MEOX2: variants seen among roughly 807,000 people sequenced by gnomAD.
The protein encoded by MEOX2 is mesenchyme homeobox 2, also known as homeobox protein MOX-2.
Under a neutral mutation model 27.0 loss-of-function variants are expected in MEOX2, and 11 were observed. The observed-to-expected ratio is 0.41, with a 90% CI of 0.26 to 0.68. The LOEUF is 0.68. MEOX2 is among the 30% of genes least tolerant of loss of function. The pLI is 0.33. For synonymous variants in MEOX2, 189 were observed against 155.4 expected, an observed-to-expected ratio of 1.22 and a Z score of -1.61; for missense variants, 436 against 385.4, an observed-to-expected ratio of 1.13 and a Z score of -1.10.
chr7:15,669,052 TA>T (rs1189570805), intron 1 of MEOX2, among the ~76,000 whole-genome samples: 2 of 152,196 alleles, frequency 1.3e-5, no homozygotes, highest in African/African-American at 4.8e-5. Flanking sequence ...TTTATTAATC[TA>T]AAGTAAAAAA....
chr7:15,674,394 T>C (rs559270778), intron 1 of MEOX2, among the ~76,000 whole-genome samples: 13 of 152,124 alleles, frequency 8.5e-5, no homozygotes, highest in Admixed American at 5.2e-4. Flanking sequence ...GGGAAAAATA[T>C]AGAAGAATAT....
chr7:15,633,332 C>G (rs17168935), intron 1 of MEOX2, among the ~76,000 whole-genome samples: 7,395 of 152,000 alleles, frequency 0.049, 232 homozygotes, highest in African/African-American at 0.099. Flanking sequence ...CCTGGAATTA[C>G]ATGGTATTAC....
intron 1 of MEOX2, among the ~76,000 whole-genome samples, chr7:15,662,200 G>C (rs1781929048): frequency 6.6e-6 from 1 of 151,134 alleles, no homozygotes; most frequent in South Asian, 2.1e-4. Context: ...AATAAAATCA[G>C]TCAAAGTCCA....
At chr7:15,641,914 G>GA (rs931408302) in intron 1 of MEOX2, among the ~76,000 whole-genome samples, 11 of 151,440 alleles carry the variant, frequency 7.3e-5, no homozygotes, top group African/African-American at 1.9e-4. Context: ...GTTGCCATTC[G>GA]AAAAAAAAGG....
chr7:15,666,284 A>G (rs1039225000), intron 1 of MEOX2, among the ~76,000 whole-genome samples: 20 of 152,278 alleles, frequency 1.3e-4, no homozygotes, highest in African/African-American at 4.6e-4. Context: ...TCAAAATGGC[A>G]TTGATTTCAT....
chr7:15,620,919 G>A (rs1781212187), intron 2 of MEOX2, among the ~76,000 whole-genome samples: 1 of 151,908 alleles, frequency 6.6e-6, no homozygotes, highest in Non-Finnish European at 1.5e-5. Flanking sequence ...CTCCCATTCT[G>A]TCTATATTTG....
intron 1 of MEOX2, among the ~76,000 whole-genome samples, chr7:15,666,990 C>A (rs1326403537): frequency 2.0e-5 from 3 of 149,980 alleles, no homozygotes; most frequent in Non-Finnish European, 4.4e-5. Context: ...TACTCATCAG[C>A]TTTTAGAAGT....
At position 15,686,257 on chromosome 7, in the gene MEOX2, A is replaced by G; in HGVS notation, c.146T>C (p.Ile49Thr). 1 of 1,613,056 alleles carries G rather than the reference A, an allele frequency of 6.2e-7. No homozygotes were observed. The highest frequency in any genetic ancestry group is 1.3e-5 in the African/African-American group (1 of 74,974). Residue 49 changes from isoleucine to threonine, a missense_variant, in exon 1 of 3, where the codon ATA (isoleucine) becomes ACA (threonine). By Grantham distance (89) the Ile-to-Thr change is moderately conservative. Coordinates refer to ENST00000262041, the MANE Select transcript of MEOX2 (RefSeq NM_005924.5). ...CTCTTCGTTGGGGTATCCCGCGATTATGCAAGATGAGGAAGAAGTAGAGAG... is the reference window on the plus strand; with the variant it reads ...CTCTTCGTTGGGGTATCCCGCGATTGTGCAAGATGAGGAAGAAGTAGAGAG... ...PELSTSSSSC[I>T]IAGYPNEEGM...
chr7:15,646,297 A>C (rs1583764506), intron 1 of MEOX2, among the ~76,000 whole-genome samples: 1 of 152,102 alleles, frequency 6.6e-6, no homozygotes, highest in African/African-American at 2.4e-5. Flanking sequence ...GAAACTTCCT[A>C]TAGCACTTAT....
chr7:15,633,536 A>T (rs1225878265), intron 1 of MEOX2, among the ~76,000 whole-genome samples: 2 of 151,898 alleles, frequency 1.3e-5, no homozygotes, highest in Non-Finnish European at 2.9e-5. Flanking sequence ...TTCAGCACCA[A>T]TTCTGCCGGT....
intron 1 of MEOX2, among the ~76,000 whole-genome samples, chr7:15,640,126 ATTTG>A (rs1358982876): frequency 2.0e-5 from 3 of 151,862 alleles, no homozygotes; most frequent in African/African-American, 7.3e-5. Context: ...ATGTTTTTCC[ATTTG>A]TTTGTATTAT....
intron 1 of MEOX2, among the ~76,000 whole-genome samples, chr7:15,629,249 C>T (rs1216501388): frequency 1.3e-5 from 2 of 152,010 alleles, no homozygotes; most frequent in Non-Finnish European, 2.9e-5. Flanking sequence ...CACACAGTCA[C>T]ACAAACAAAA....
intron 1 of MEOX2, chr7:15,679,246 G>A (rs575005223): frequency 1.6e-4 from 24 of 151,950 alleles, no homozygotes; most frequent in Non-Finnish European, 2.6e-4. Context: ...TAAAGTAAAC[G>A]CCTTCTTTTA....
intron 1 of MEOX2, among the ~76,000 whole-genome samples, chr7:15,634,494 T>C (rs866332666): frequency 2.9e-4 from 44 of 152,128 alleles, no homozygotes; most frequent in African/African-American, 8.2e-4. Flanking sequence ...TATTTTAAAA[T>C]GTTTATTGTT....
chr7:15,620,022 G>T (rs1199567589), intron 2 of MEOX2, among the ~76,000 whole-genome samples: 4 of 151,820 alleles, frequency 2.6e-5, no homozygotes, highest in Non-Finnish European at 4.4e-5. Context: ...TCTAGTTTTT[G>T]ATGCTTACCA....
At chr7:15,648,733 G>A (rs1438716096) in intron 1 of MEOX2, among the ~76,000 whole-genome samples, 1 of 152,022 alleles carries the variant, frequency 6.6e-6, no homozygotes, top group Non-Finnish European at 1.5e-5. Context: ...AGGATGTAGC[G>A]AAAGTGCTGC....
intron 1 of MEOX2, chr7:15,668,098 C>T (rs1012288105): frequency 6.6e-6 from 1 of 152,204 alleles, no homozygotes; most frequent in African/African-American, 2.4e-5. Flanking sequence ...TGTGTACTAA[C>T]ATGCATTTAA....
intron 1 of MEOX2, chr7:15,680,195 A>T (rs1221524192): frequency 1.3e-5 from 2 of 151,950 alleles, no homozygotes; most frequent in East Asian, 3.9e-4. Context: ...TAATGTCAAG[A>T]GATTTTAAAT....
chr7:15,649,273 T>G (rs142146321), intron 1 of MEOX2, among the ~76,000 whole-genome samples: 10 of 152,234 alleles, frequency 6.6e-5, no homozygotes, highest in African/African-American at 1.9e-4. Flanking sequence ...AAACAAATTG[T>G]AAGTAATATA....
Sources: allele counts gnomAD v4.1 joint callset (sites outside exome capture counted in the v4.1 genomes callset), GRCh38; gene constraint gnomAD v4.1.1; transcripts MANE v1.5; gene names NCBI Gene and HGNC (gene_info 2026-07-23, HGNC 2026-07-21).